The following FURIN variants were observed in gnomAD, a reference collection of about 807,000 sequenced individuals.
FURIN encodes the protein furin, paired basic amino acid cleaving enzyme.
FURIN carries 18 observed loss-of-function variants against 89.2 expected under a neutral mutation model. The observed-to-expected ratio is 0.20, with a 90% CI of 0.14 to 0.30. The LOEUF (loss-of-function observed/expected upper bound fraction) is 0.30, where lower values mean the gene tolerates loss of function less well. Ranked by LOEUF, FURIN falls within the 10% of genes least tolerant of loss-of-function variation. The pLI is 1.00. For missense variants in FURIN, 879 were observed against 1,100.5 expected, an observed-to-expected ratio of 0.80 and a Z score of 2.85; for synonymous variants, 508 against 466.4, an observed-to-expected ratio of 1.09 and a Z score of -1.15.
In FURIN at chr15:90,876,206, G is replaced by A. The variant is rs112023347; in HGVS notation, c.178-49G>A. ...TGTCCACCCCCGTCCCCCGCCTCCC[G>A]GGGACTGACAGATGGAAAGCCCAGC... On this transcript the variant is annotated intron_variant, in intron 2 of 15. Transcript: ENST00000268171. This position sits in a 1 kb window ranked among gnomAD's most constrained non-coding sequence, Gnocchi z 5.0. The A allele has an allele frequency of 7.4e-6, 9 of 1,221,286 alleles. No homozygotes were observed. The highest frequency in any genetic ancestry group is 6.1e-5 in the South Asian group (5 of 82,458). The allele number at this position is 1,221,286 out of a possible 1,614,324, so 75.7% of individuals were successfully genotyped here.
At chr15:90,872,053 G>A (rs533777014) in intron 1 of FURIN, among the ~76,000 whole-genome samples, 2 of 151,434 alleles carry the variant, frequency 1.3e-5, no homozygotes, top group South Asian at 2.1e-4. Flanking sequence ...CCGCCACCGG[G>A]GCTGCCGCCG....
rs763759095 is a variant in FURIN at position 90,879,658 on chromosome 15, T to C, written c.1155-13T>C. ...AAAGACTGATCCCCAGCCTCTCCCT[T>C]CCTTCTTTGCAGTAAGAACCTCACA... is the stretch of plus-strand genomic sequence containing the variant. On this transcript the variant is annotated splice_polypyrimidine_tract_variant and intron_variant, in intron 10 of 15. Coordinates refer to ENST00000268171, the MANE Select transcript of FURIN (RefSeq NM_002569.4). 2 of 1,609,272 alleles carry C rather than the reference T, an allele frequency of 1.2e-6. No individual in the cohort carries two copies.
Position 90,876,039 on chromosome 15 carries a change from G to T in FURIN, c.177+122G>T. 3 of 905,506 alleles carry T rather than the reference G, an allele frequency of 3.3e-6. No individual in the cohort carries two copies. Among genetic ancestry groups the T allele is most frequent in the Non-Finnish European group, 5.0e-6 (3 of 601,720 alleles). 56.1% of individuals were successfully genotyped at this position (905,506 alleles called of 1,614,324 possible). A position where few individuals can be genotyped will look rare whatever the true frequency, so the allele number is the denominator to read the frequency against. On this transcript the variant is annotated intron_variant, in intron 2 of 15. Coordinates refer to ENST00000268171, the MANE Select transcript of FURIN (RefSeq NM_002569.4). This position sits in a 1 kb window ranked among gnomAD's most constrained non-coding sequence, Gnocchi z 5.0. ...CTGGGTAGCCGGCATGTTCTGGGTGGCCATGAGCAAAGCACAGGTGGTTCA... is the reference window on the plus strand; with the variant it reads ...CTGGGTAGCCGGCATGTTCTGGGTGTCCATGAGCAAAGCACAGGTGGTTCA...
Position 90,876,199 on chromosome 15 carries a change from GC to G in FURIN, c.178-54del. The stretch of plus-strand genomic sequence containing the variant: ...AAGCCGTTGTCCACCCCCGTCCCCC[GC>G]CTCCCGGGGACTGACAGATGGAAAG... On this transcript the variant is annotated intron_variant, in intron 2 of 15. Transcript: ENST00000268171. The surrounding 1 kb of genome is among the most constrained non-coding windows in gnomAD (Gnocchi z 5.0). The G allele has an allele frequency of 8.5e-7, 1 of 1,175,700 alleles. No individual in the cohort carries two copies. Among genetic ancestry groups the G allele is most frequent in the Admixed American group, 1.8e-5 (1 of 57,012 alleles). The allele number at this position is 1,175,700 out of a possible 1,614,324, so 72.8% of individuals were successfully genotyped here.
Position 90,868,700 on chromosome 15 carries a change from C to G in FURIN, c.-171C>G, listed in dbSNP as rs2031156106. 6.6e-6 allele frequency: 1 copy of G among 152,204 alleles called. No individual in the cohort carries two copies. The highest frequency in any genetic ancestry group is 1.5e-5 in the Non-Finnish European group (1 of 68,054). The allele number at this position is 152,204 out of a possible 1,614,324, so 9.4% of individuals were successfully genotyped here. On this transcript the variant is annotated 5_prime_UTR_variant, in exon 1 of 16. Coordinates refer to ENST00000268171, the MANE Select transcript of FURIN (RefSeq NM_002569.4). Reference sequence around the variant, plus strand: ...AGGATGAATCCCAGGTGCTCTGGAGCTGGATGGTGAAGTATGGACATGCTT... The same window carrying G: ...AGGATGAATCCCAGGTGCTCTGGAGGTGGATGGTGAAGTATGGACATGCTT...
In FURIN at chr15:90,877,591, G is replaced by A. The variant is rs1225263503; in HGVS notation, c.643G>A (p.Val215Met). The A allele has an allele frequency of 6.4e-7, 1 of 1,574,366 alleles. No homozygotes were observed. The highest frequency in any genetic ancestry group is 2.3e-5 in the East Asian group (1 of 42,854). Residue 215 changes from valine (V) to methionine (M), a missense_variant, in exon 7 of 16, where the codon GTG becomes ATG. Transcript: ENST00000268171. ...CAACAACGGTGTCTGTGGTGTAGGT[G>A]TGGCCTACAACGCCCGCATTGGAGG... is the stretch of plus-strand genomic sequence containing the variant. Reference protein sequence around the residue: ...VANNGVCGVGVAYNARIGGVR... With the variant: ...VANNGVCGVGMAYNARIGGVR...
chr15:90,875,275 TCCAC>T (rs1938723673), intron 1 of FURIN, among the ~76,000 whole-genome samples: 1 of 152,124 alleles, frequency 6.6e-6, no homozygotes, highest in Non-Finnish European at 1.5e-5. Context: ...CCTCAGGTGA[TCCAC>T]CCGCCTCAGC....
At chr15:90,868,759 A>T (rs1176458247) in intron 1 of FURIN, 48 bp downstream of exon 1, 2 of 152,226 alleles carry the variant, frequency 1.3e-5, no homozygotes, top group African/African-American at 4.8e-5. Flanking sequence ...AGGTTTAATT[A>T]TTTTAGGAGT....
At position 90,876,859 on chromosome 15, in the gene FURIN, T is replaced by A. The variant is rs373036330; in HGVS notation, c.373-37T>A. On this transcript the variant is annotated intron_variant, in intron 4 of 15. Transcript: ENST00000268171. This position sits in a 1 kb window ranked among gnomAD's most constrained non-coding sequence, Gnocchi z 5.0. ...GATGCTCCTAGCCTCACAAAACCAA[T>A]CATGTCTCATAAGTGATGGGGTGGG... 1.6e-4 allele frequency: 262 copies of A among 1,609,648 alleles called. 1 individual carries two copies. Among genetic ancestry groups the A allele is most frequent in the Non-Finnish European group, 2.0e-4 (240 of 1,176,662 alleles).
chr15:90,880,568 A>C (rs1596079149), intron 13 of FURIN, 123 bp from the exon 14 acceptor site: 1 of 1,075,810 alleles, frequency 9.3e-7, no homozygotes. Context: ...GCCAGCAGGC[A>C]CTTCTGGCCC....
intron 1 of FURIN, among the ~76,000 whole-genome samples, chr15:90,871,352 C>G (rs1007759656): frequency 1.3e-4 from 19 of 151,834 alleles, no homozygotes; most frequent in African/African-American, 4.6e-4. Flanking sequence ...GGCAGCGGGG[C>G]CTGAGGGACG....
rs1403905840 is a variant in FURIN at position 90,880,347 on chromosome 15, T to G, written c.1556+74T>G. ...AGCCCGCGTGCTTGCCTTTGCTCGCTCACACGGCCCAGGGGGCACTGAGTG... is the reference window on the plus strand; with the variant it reads ...AGCCCGCGTGCTTGCCTTTGCTCGCGCACACGGCCCAGGGGGCACTGAGTG... On this transcript the variant is annotated intron_variant, in intron 13 of 15. Transcript: ENST00000268171. 4 of 1,263,890 alleles carry G rather than the reference T, an allele frequency of 3.2e-6. No individual in the cohort carries two copies. The East Asian group carries it at 9.7e-5, about 31-fold the overall frequency. The allele number at this position is 1,263,890 out of a possible 1,614,324, so 78.3% of individuals were successfully genotyped here. A position where few individuals can be genotyped will look rare whatever the true frequency, so the allele number is the denominator to read the frequency against.
intron 13 of FURIN, 52 bp downstream of exon 13, chr15:90,880,325 C>G (rs970552241): frequency 6.9e-7 from 1 of 1,446,524 alleles, no homozygotes; most frequent in South Asian, 1.3e-5. Flanking sequence ...CTCTCACAGC[C>G]CGCGTGCTTG....
At chr15:90,880,625 T>C in intron 13 of FURIN, 66 bp from the exon 14 acceptor site, 1 of 1,540,788 alleles carries the variant, frequency 6.5e-7, no homozygotes, top group Non-Finnish European at 8.8e-7. Context: ...CCATGTGCTG[T>C]GGGTTAGATG....
At chr15:90,872,385 T>C (rs2031364727) in intron 1 of FURIN, among the ~76,000 whole-genome samples, 1 of 152,102 alleles carries the variant, frequency 6.6e-6, no homozygotes. Flanking sequence ...CCCTGGCCCC[T>C]GGGGTGCAGA....
chr15:90,875,730 C>G lies in FURIN; in HGVS notation c.-11C>G, dbSNP rs761897547. ...ACGGGCGCTCCAGGGTCCCAGCCAC[C>G]TGTCCCCCCCATGGAGCTGAGGCCC... On this transcript the variant is annotated 5_prime_UTR_variant, in exon 2 of 16. Transcript: ENST00000268171. The G allele has an allele frequency of 1.2e-5, 18 of 1,529,348 alleles. No homozygotes were observed. In the African/African-American group the frequency reaches 2.5e-4, roughly 21 times the overall value. The allele number at this position is 1,529,348 out of a possible 1,614,324, so 94.7% of individuals were successfully genotyped here. A position where few individuals can be genotyped will look rare whatever the true frequency, so the allele number is the denominator to read the frequency against.
intron 12 of FURIN, 48 bp from the exon 13 acceptor site, chr15:90,880,046 G>A (rs746441423): frequency 1.5e-5 from 24 of 1,603,224 alleles, no homozygotes; most frequent in Non-Finnish European, 2.0e-5. Flanking sequence ...GGGGGTGCCC[G>A]CTGGTCCCTC....
rs756472033 is a variant in FURIN, at chr15:90,879,701, C to T, written c.1185C>T (p.His395=). 2 of 1,613,718 alleles carry T rather than the reference C, an allele frequency of 1.2e-6. No individual in the cohort carries two copies. Among genetic ancestry groups the T allele is most frequent in the East Asian group, 4.5e-5 (2 of 44,884 alleles). The change falls in exon 11 of 16, where the codon CAC becomes CAT. Residue 395 remains histidine (H), a synonymous_variant. Transcript: ENST00000268171. ...ACCTCACATGGCGGGACATGCAACACCTGGTGGTACAGACCTCGAAGCCAG... is the reference window on the plus strand; with the variant it reads ...ACCTCACATGGCGGGACATGCAACATCTGGTGGTACAGACCTCGAAGCCAG... ...NKNLTWRDMQ[H]LVVQTSKPAH... is the part of the protein sequence containing the mutation.
chr15:90,877,974 G>A (rs1429484542), intron 7 of FURIN, among the ~76,000 whole-genome samples, 158 bp from the exon 8 acceptor site: 2 of 152,186 alleles, frequency 1.3e-5, no homozygotes, highest in Non-Finnish European at 2.9e-5. Flanking sequence ...AAAGGCAGAG[G>A]CAAACAGGTA....
Sources: gnomAD v4.1 joint callset for allele counts (sites outside exome capture counted in the v4.1 genomes callset) on GRCh38, gnomAD v4.1.1 for gene constraint, Gnocchi (gnomAD v3.1) non-coding constraint, MANE v1.5 for transcripts, NCBI Gene and HGNC (gene_info 2026-07-23, HGNC 2026-07-21) for gene names.